ABCA13: variants seen among roughly 807,000 people sequenced by gnomAD.
ABCA13 encodes the protein ATP-binding cassette sub-family A member 13.
A neutral mutation model predicts 478.7 loss-of-function variants in ABCA13; 476 were observed. The ratio of observed to expected loss-of-function variants is 0.99; its 90% CI spans 0.92 to 1.07. The LOEUF (loss-of-function observed/expected upper bound fraction) is 1.07, where lower values mean the gene tolerates loss of function less well. ABCA13 is among the 50% of genes least tolerant of loss of function. ABCA13 has a pLI of 0.00. For missense variants in ABCA13, 6,060 were observed against 5,910.6 expected, an observed-to-expected ratio of 1.03 and a Z score of -0.83; for synonymous variants, 2,252 against 2,158.9, an observed-to-expected ratio of 1.04 and a Z score of -1.20.
chr7:48,628,701 A>C (rs1367475099), intron 59 of ABCA13, among the ~76,000 whole-genome samples: 1 of 152,194 alleles, frequency 6.6e-6, no homozygotes, highest in Non-Finnish European at 1.5e-5. Context: ...TCTGAGGGTA[A>C]AACCTTTTCT....
intron 43 of ABCA13, among the ~76,000 whole-genome samples, chr7:48,455,553 G>T (rs10266456): frequency 0.24 from 36,454 of 152,082 alleles, 5,008 homozygotes; most frequent in Middle Eastern, 0.35. Context: ...GTCCCTGCGC[G>T]AAAGGGCGCA....
chr7:48,281,396 T>C lies in ABCA13; in HGVS notation c.8780T>C (p.Met2927Thr). The C allele has an allele frequency of 6.2e-7, 1 of 1,609,754 alleles. No individual in the cohort carries two copies. The highest frequency in any genetic ancestry group is 8.5e-7 in the Non-Finnish European group (1 of 1,178,062). Residue 2927 changes from methionine (M) to threonine (T), a missense_variant, in exon 19 of 62, where the codon ATG becomes ACG. By Grantham distance (81) the Met-to-Thr change is moderately conservative (BLOSUM62 -1). Around this residue, in one of 3 missense-constraint regions of ABCA13, gnomAD observed 4,423 missense variants for 4,309.1 expected, o/e 1.03. Coordinates refer to ENST00000435803, the MANE Select transcript of ABCA13 (RefSeq NM_152701.5). ...CAGACTGTGAAGCCCTCAGAAGCCA[T>C]GGAGATGCTGCAGAAAGTGAAGATG... Reference protein sequence around the residue: ...FQQTVKPSEAMEMLQKVKMMV... With the variant: ...FQQTVKPSEATEMLQKVKMMV...
At position 48,427,888 on chromosome 7, in the gene ABCA13, T is replaced by A. The variant is rs776570865; in HGVS notation, c.12565+17T>A. The A allele has an allele frequency of 4.7e-6, 7 of 1,496,378 alleles. No individual in the cohort carries two copies. Among genetic ancestry groups the A allele is most frequent in the Non-Finnish European group, 3.6e-6 (4 of 1,096,674 alleles). 92.7% of individuals were successfully genotyped at this position (1,496,378 alleles called of 1,614,324 possible). ...CTGGCTACTGTAAGTACAGAATGGC[T>A]TCCTGCATTTCTGCTGGAGGAACAA... On this transcript the variant is annotated intron_variant, in intron 42 of 61. Coordinates refer to ENST00000435803, the MANE Select transcript of ABCA13 (RefSeq NM_152701.5).
intron 8 of ABCA13, among the ~76,000 whole-genome samples, chr7:48,238,000 A>G (rs571799352): frequency 5.9e-5 from 9 of 152,252 alleles, no homozygotes; most frequent in African/African-American, 2.2e-4. Context: ...TCACAGGTTA[A>G]TATTTTAAAT....
At position 48,313,208 on chromosome 7, in the gene ABCA13, C is replaced by T; in HGVS notation, c.9658C>T (p.Leu3220=). The part of the protein sequence containing the change: ...FLHTFKITAL[L]ETLDFQQVSQ... ...TCACACATTTAAAATCACTGCCTTG[C>T]TAGAAACCCTGGACTTTCAACAGGT... The change falls in exon 25 of 62, where the codon CTA becomes TTA. Residue 3220 remains leucine, a synonymous_variant. Coordinates refer to ENST00000435803, the MANE Select transcript of ABCA13 (RefSeq NM_152701.5). 1 of 1,611,734 alleles carries T rather than the reference C, an allele frequency of 6.2e-7. No individual in the cohort carries two copies. Among genetic ancestry groups the T allele is most frequent in the African/African-American group, 1.3e-5 (1 of 75,030 alleles).
At chr7:48,350,969 C>T (rs1808882581) in intron 30 of ABCA13, 150 bp downstream of exon 30, 1 of 904,762 alleles carries the variant, frequency 1.1e-6, no homozygotes, top group Non-Finnish European at 1.6e-6. Flanking sequence ...GAACTGTTTA[C>T]CTTGGATAAA....
In ABCA13 at chr7:48,278,744, C is replaced by T. The variant is rs773506604; in HGVS notation, c.7550C>T (p.Thr2517Ile). 4.3e-6 allele frequency: 7 copies of T among 1,613,940 alleles called. No homozygotes were observed. The South Asian group carries it at 5.5e-5, about 13-fold the overall frequency. Residue 2517 changes from threonine (T) to isoleucine (I), a missense_variant, in exon 18 of 62, where the codon ACA becomes ATA. By Grantham distance (89) the Thr-to-Ile change is moderately conservative. Around this residue, in one of 3 missense-constraint regions of ABCA13, gnomAD observed 4,423 missense variants for 4,309.1 expected, o/e 1.03. Transcript: ENST00000435803. ...AGTGCTGACCTGAGAGATCTTGCCACATCAATGGACTCCATTGTGAAACTT... is the reference window on the plus strand; with the variant it reads ...AGTGCTGACCTGAGAGATCTTGCCATATCAATGGACTCCATTGTGAAACTT... Reference protein sequence around the residue: ...NDSADLRDLATSMDSIVKLLK... With the variant: ...NDSADLRDLAISMDSIVKLLK...
At chr7:48,644,868 C>A in intron 61 of ABCA13, 114 bp downstream of exon 61, 1 of 1,146,698 alleles carries the variant, frequency 8.7e-7, no homozygotes. Context: ...TTCAATTCAT[C>A]TTGTTAAATT....
intron 29 of ABCA13, among the ~76,000 whole-genome samples, chr7:48,343,472 G>C (rs10239786): frequency 0.034 from 5,203 of 152,264 alleles, 126 homozygotes; most frequent in Non-Finnish European, 0.053. Flanking sequence ...TGGAGACTCA[G>C]CCTCTCAGTT....
chr7:48,274,517 A>T lies in ABCA13; in HGVS notation c.4851A>T (p.Lys1617Asn), dbSNP rs778963888. The T allele has an allele frequency of 5.6e-6, 9 of 1,613,856 alleles. No individual in the cohort carries two copies. The highest frequency in any genetic ancestry group is 7.6e-6 in the Non-Finnish European group (9 of 1,179,836). The change falls in exon 17 of 62, where the codon AAA (lysine) becomes AAT (asparagine). Residue 1617 changes from lysine (K) to asparagine (N), a missense_variant. By Grantham distance (94) the Lys-to-Asn change is moderately conservative. Transcript: ENST00000435803. ...SLSHDLQNSP[K>N]IIISPEIMKA... The stretch of plus-strand genomic sequence containing the variant: ...CTCATGACCTCCAAAATTCACCAAA[A>T]ATAATAATTTCACCTGAAATAATGA...
chr7:48,313,969 ATGTGTGTGTGTGTATGTGTGTG>A (rs1802153362), intron 25 of ABCA13, among the ~76,000 whole-genome samples: 1 of 149,782 alleles, frequency 6.7e-6, no homozygotes, highest in Non-Finnish European at 1.5e-5. Flanking sequence ...GTAAGGACTT[ATGTGTGTGTGTGTATGTGTGTG>A]TGTGTGTGTG....
chr7:48,184,458 G>T (rs1284892651), intron 1 of ABCA13, among the ~76,000 whole-genome samples: 4 of 152,060 alleles, frequency 2.6e-5, no homozygotes, highest in African/African-American at 9.7e-5. Flanking sequence ...TATGACTTTC[G>T]TGTCTTATTT....
intron 15 of ABCA13, among the ~76,000 whole-genome samples, chr7:48,266,280 CATAGA>C (rs1458562406): frequency 3.3e-5 from 5 of 151,400 alleles, no homozygotes; most frequent in Admixed American, 3.3e-4. Flanking sequence ...ATCATAACCT[CATAGA>C]ATTATTCAGA....
intron 58 of ABCA13, among the ~76,000 whole-genome samples, chr7:48,602,429 G>T (rs1790998913): frequency 6.6e-6 from 1 of 152,116 alleles, no homozygotes; most frequent in Non-Finnish European, 1.5e-5. Context: ...TCCAGTTTCA[G>T]CTTTCTGCAT....
intron 55 of ABCA13, among the ~76,000 whole-genome samples, chr7:48,548,548 A>ATT (rs35317081): frequency 1.0e-4 from 15 of 144,748 alleles, no homozygotes; most frequent in African/African-American, 2.3e-4. Flanking sequence ...CATGTAACAC[A>ATT]TTTTTTTTTT....
intron 55 of ABCA13, among the ~76,000 whole-genome samples, chr7:48,539,620 T>G (rs1833828103): frequency 6.6e-6 from 1 of 152,204 alleles, no homozygotes; most frequent in Non-Finnish European, 1.5e-5. Context: ...TCTGATAGAA[T>G]TAGAATGTAT....
chr7:48,358,781 T>C lies in ABCA13; in HGVS notation c.10688+6294T>C, dbSNP rs972213088. On this transcript the variant is annotated intron_variant, in intron 31 of 61. Transcript: ENST00000435803. ...AGTGGCAGCACTGGGTTGCTCACAA[T>C]TGATTTCATGCCTTCCTCTACCTAG... Among the ~76,000 whole-genome samples, 6 of 152,028 alleles carry C rather than the reference T, an allele frequency of 3.9e-5. 1 individual carries two copies. The highest frequency in any genetic ancestry group is 1.5e-4 in the African/African-American group (6 of 41,260).
At chr7:48,438,148 C>G (rs183688996) in intron 42 of ABCA13, among the ~76,000 whole-genome samples, 1 of 152,186 alleles carries the variant, frequency 6.6e-6, no homozygotes, top group East Asian at 1.9e-4. Flanking sequence ...CACTCTACAA[C>G]CAGGCAAGAA....
chr7:48,213,111 A>T (rs1715901309), intron 3 of ABCA13, among the ~76,000 whole-genome samples: 1 of 152,072 alleles, frequency 6.6e-6, no homozygotes, highest in Non-Finnish European at 1.5e-5. Flanking sequence ...GTGTGATGTA[A>T]CTTTTGAGGT....
Sources: gnomAD v4.1 joint callset for allele counts (sites outside exome capture counted in the v4.1 genomes callset) on GRCh38, gnomAD v4.1.1 for gene constraint, gnomAD v4.1.1 regional missense constraint, MANE v1.5 for transcripts, NCBI Gene and HGNC (gene_info 2026-07-23, HGNC 2026-07-21) for gene names.